SPAG6: variants seen among roughly 807,000 people sequenced by gnomAD.
SPAG6 encodes sperm-associated antigen 6.
SPAG6 carries 49 observed loss-of-function variants against 58.5 expected under a neutral mutation model. The observed-to-expected ratio is 0.84, with a 90% CI of 0.67 to 1.06. The LOEUF (loss-of-function observed/expected upper bound fraction) is 1.06, where lower values mean the gene tolerates loss of function less well. Ranked by LOEUF, SPAG6 falls within the 50% of genes least tolerant of loss-of-function variation. The probability of loss-of-function intolerance (pLI) is 0.00; values close to 1 mark genes in which losing one functional copy is unlikely to be tolerated. For synonymous variants in SPAG6, 233 were observed against 225.6 expected (o/e 1.03, Z -0.29); for missense variants, 560 against 611.3 (o/e 0.92, Z 0.89).
intron 2 of SPAG6, among the ~76,000 whole-genome samples, chr10:22,346,476 TTCTTCTTCTTCTTCTTCTTCTTTC>T (rs1396588490): frequency 7.1e-6 from 1 of 141,666 alleles, no homozygotes; most frequent in African/African-American, 3.1e-5. Flanking sequence ...CTTCTTCTTC[TTCTTCTTCTTCTTCTTCTTCTTTC>T]TTCTTCTTCT....
chr10:22,409,380 T>C (rs781020838), intron 9 of SPAG6, among the ~76,000 whole-genome samples: 3 of 152,240 alleles, frequency 2.0e-5, no homozygotes, highest in Non-Finnish European at 4.4e-5. Flanking sequence ...ATTATTGCTC[T>C]ATTAGCAAGA....
chr10:22,378,894 A>G (rs1365401905), intron 4 of SPAG6, among the ~76,000 whole-genome samples: 1 of 151,976 alleles, frequency 6.6e-6, no homozygotes, highest in Non-Finnish European at 1.5e-5. Flanking sequence ...AGCCCTGTTA[A>G]CTCCAGATCA....
At chr10:22,346,063 A>C (rs1836518493) in intron 2 of SPAG6, 3 of 1,528,170 alleles carry the variant, frequency 2.0e-6, no homozygotes, top group Non-Finnish European at 2.6e-6. Flanking sequence ...GTCAGGTTGA[A>C]AGTCGAGGCC....
chr10:22,355,657 A>G (rs1224319662), intron 2 of SPAG6, among the ~76,000 whole-genome samples: 1 of 152,212 alleles, frequency 6.6e-6, no homozygotes, highest in Admixed American at 6.5e-5. Flanking sequence ...ATAAGGGATA[A>G]CACCCTAAAT....
At chr10:22,413,501 C>A (rs1005772628) in intron 10 of SPAG6, among the ~76,000 whole-genome samples, 4 of 151,746 alleles carry the variant, frequency 2.6e-5, no homozygotes, top group African/African-American at 9.7e-5. Context: ...CCACTGCACT[C>A]CGGCCTGGGT....
At chr10:22,412,309 C>T (rs571897367) in intron 10 of SPAG6, 23 of 558,768 alleles carry the variant, frequency 4.1e-5, no homozygotes, top group Admixed American at 3.9e-4. Context: ...CATATACTTA[C>T]GCAAGTTGCA....
chr10:22,379,790 C>A (rs1365328714), intron 4 of SPAG6, among the ~76,000 whole-genome samples: 1 of 152,134 alleles, frequency 6.6e-6, no homozygotes, highest in Non-Finnish European at 1.5e-5. Context: ...TGGGTTAGAC[C>A]AAAACCTAAA....
At position 22,345,541 on chromosome 10, in the gene SPAG6, C is replaced by G. The variant is rs1302724470; in HGVS notation, c.-71C>G. 6 of 1,354,328 alleles carry G rather than the reference C, an allele frequency of 4.4e-6. No individual in the cohort carries two copies. Among genetic ancestry groups the G allele is most frequent in the Non-Finnish European group, 6.0e-6 (6 of 995,356 alleles). 83.9% of individuals were successfully genotyped at this position (1,354,328 alleles called of 1,614,324 possible). ...AGGCCGAGTCGTCGCCACGATCGCC[C>G]CCTTGGTGGACTCGCAGGCCGAGCG... On this transcript the variant is annotated 5_prime_UTR_variant, in exon 1 of 11. Coordinates refer to ENST00000376624, the MANE Select transcript of SPAG6 (RefSeq NM_012443.4). The surrounding 1 kb of genome is among the most constrained non-coding windows in gnomAD (Gnocchi z 6.3).
intron 4 of SPAG6, among the ~76,000 whole-genome samples, chr10:22,375,681 C>T (rs1272147770): frequency 2.0e-5 from 3 of 150,144 alleles, no homozygotes; most frequent in Non-Finnish European, 3.0e-5. Context: ...CAGGTTCAAG[C>T]GATTCTCCTG....
chr10:22,352,400 G>T (rs1836754128), intron 2 of SPAG6, among the ~76,000 whole-genome samples: 1 of 151,796 alleles, frequency 6.6e-6, no homozygotes, highest in Non-Finnish European at 1.5e-5. Context: ...AAAATTGAGG[G>T]ATTACTTAAA....
At chr10:22,372,237 ATTAAACT>A in intron 4 of SPAG6, among the ~76,000 whole-genome samples, 1 of 152,314 alleles carries the variant, frequency 6.6e-6, no homozygotes, top group South Asian at 2.1e-4. Flanking sequence ...CGCTTTATAA[ATTAAACT>A]TTAAAAAGTT....
chr10:22,365,983 G>T (rs921022069), intron 3 of SPAG6, among the ~76,000 whole-genome samples: 5 of 152,138 alleles, frequency 3.3e-5, no homozygotes, highest in African/African-American at 1.2e-4. Flanking sequence ...TAAAATGGGG[G>T]AAACCACTGT....
chr10:22,413,688 G>GATATATATATATATATATATATATAT lies in SPAG6; in HGVS notation c.1460+2532_1460+2533insATATATATATATATATATATATATAT, dbSNP rs59765652. On this transcript the variant is annotated intron_variant, in intron 10 of 10. Coordinates refer to ENST00000376624, the MANE Select transcript of SPAG6 (RefSeq NM_012443.4). Reference sequence around the variant, plus strand: ...ACCTGACTAATGTTTTCAAATTTCTGATATATATATATATATATATTTCAC... The same window carrying GATATATATATATATATATATATATAT: ...ACCTGACTAATGTTTTCAAATTTCTGATATATATATATATATATATATATATATATATATATATATATATATTTCAC... Among the ~76,000 whole-genome samples, 55 of 141,634 alleles carry GATATATATATATATATATATATATAT rather than the reference G, an allele frequency of 3.9e-4. 2 individuals are homozygous for GATATATATATATATATATATATATAT. Among genetic ancestry groups the GATATATATATATATATATATATATAT allele is most frequent in the African/African-American group, 1.5e-3 (53 of 35,282 alleles). 92.9% of individuals were successfully genotyped at this position (141,634 alleles called of 152,430 possible). A position where few individuals can be genotyped will look rare whatever the true frequency, so the allele number is the denominator to read the frequency against.
chr10:22,411,211 G>A (rs1188434588), intron 10 of SPAG6, 35 bp downstream of exon 10: 2 of 1,560,910 alleles, frequency 1.3e-6, no homozygotes, highest in African/African-American at 1.4e-5. Context: ...TTCAATATTA[G>A]AATGTAGTTT....
At chr10:22,410,964 G>C in intron 9 of SPAG6, 67 bp from the exon 10 acceptor site, 1 of 1,505,590 alleles carries the variant, frequency 6.6e-7, no homozygotes, top group Non-Finnish European at 9.0e-7. Context: ...ATACAGTATT[G>C]CTTTTCAATA....
chr10:22,351,196 A>T (rs1415605359), intron 2 of SPAG6, among the ~76,000 whole-genome samples: 2 of 152,182 alleles, frequency 1.3e-5, no homozygotes, highest in East Asian at 1.9e-4. Context: ...TGGAGGCCAG[A>T]TGCAGAGGGC....
At chr10:22,374,983 A>T (rs1277107290) in intron 4 of SPAG6, among the ~76,000 whole-genome samples, 1 of 152,230 alleles carries the variant, frequency 6.6e-6, no homozygotes, top group Non-Finnish European at 1.5e-5. Context: ...TAACGCCTAC[A>T]ATTCTTTTAG....
intron 9 of SPAG6, among the ~76,000 whole-genome samples, chr10:22,409,615 GC>G (rs1211389196): frequency 6.6e-6 from 1 of 152,126 alleles, no homozygotes; most frequent in Non-Finnish European, 1.5e-5. Flanking sequence ...TTCAGATAGG[GC>G]TTCAATGGAG....
chr10:22,353,768 G>A (rs903434586), intron 2 of SPAG6, among the ~76,000 whole-genome samples: 6 of 152,166 alleles, frequency 3.9e-5, no homozygotes, highest in African/African-American at 1.2e-4. Context: ...TTGTTTATTC[G>A]AAGGGCACCT....
Sources: allele counts gnomAD v4.1 joint callset (sites outside exome capture counted in the v4.1 genomes callset), GRCh38; gene constraint gnomAD v4.1.1; non-coding constraint Gnocchi (gnomAD v3.1); transcripts MANE v1.5; gene names NCBI Gene and HGNC (gene_info 2026-07-23, HGNC 2026-07-21).